SMURF2: variants seen among roughly 807,000 people sequenced by gnomAD.
SMURF2 encodes the protein SMAD specific E3 ubiquitin protein ligase 2.
Under a neutral mutation model 109.6 loss-of-function variants are expected in SMURF2, and 48 were observed. The observed-to-expected ratio is 0.44, with a 90% CI of 0.35 to 0.56. The LOEUF (loss-of-function observed/expected upper bound fraction) is 0.56, where lower values mean the gene tolerates loss of function less well. Among genes scored for constraint, SMURF2 ranks in the 20% least tolerant of loss-of-function variants. SMURF2 has a pLI of 0.01. For synonymous variants in SMURF2, 288 were observed against 317.1 expected (o/e 0.91, Z 0.97); for missense variants, 575 against 909.0 (o/e 0.63, Z 4.72).
rs183500438 is a variant in SMURF2, at chr17:64,653,132, G to A, written c.52+8697C>T. On this transcript the variant is annotated intron_variant, in intron 1 of 18. Transcript: ENST00000262435. ...GGGCGGTGGGGGAGCTACAGTCCGG[G>A]AGAAAATATTTGCAAAGTATATATC... Among the ~76,000 whole-genome samples the A allele has an allele frequency of 2.4e-4, 37 of 152,048 alleles. 1 individual carries two copies. The highest frequency in any genetic ancestry group is 8.9e-4 in the African/African-American group (37 of 41,464).
At chr17:64,546,606 T>G (rs77380826) in intron 17 of SMURF2, among the ~76,000 whole-genome samples, 5,290 of 152,256 alleles carry the variant, frequency 0.035, 321 homozygotes, top group African/African-American at 0.12. Flanking sequence ...TTTCTATCTT[T>G]TATAGAAAGT....
chr17:64,617,065 TAAAAAAAAAAAAAAAAAA>T (rs35408397), intron 1 of SMURF2, among the ~76,000 whole-genome samples: 4 of 48,508 alleles, frequency 8.2e-5, no homozygotes, highest in Non-Finnish European at 3.7e-5. Context: ...AGACCTTGTC[TAAAAAAAAAAAAAAAAAA>T]AAAAAAAAAA....
At chr17:64,630,703 C>T (rs1555691512) in intron 1 of SMURF2, among the ~76,000 whole-genome samples, 1 of 152,090 alleles carries the variant, frequency 6.6e-6, no homozygotes, top group Non-Finnish European at 1.5e-5. Flanking sequence ...AAGAATTTTG[C>T]CTCTCAGAAT....
intron 1 of SMURF2, among the ~76,000 whole-genome samples, chr17:64,613,366 G>A (rs6504243): frequency 0.25 from 37,849 of 151,996 alleles, 9,424 homozygotes; most frequent in African/African-American, 0.64. Context: ...TTTATATTAG[G>A]AGAAAATTAA....
chr17:64,639,312 C>A (rs1970462965), intron 1 of SMURF2, among the ~76,000 whole-genome samples: 1 of 152,128 alleles, frequency 6.6e-6, no homozygotes, highest in African/African-American at 2.4e-5. Flanking sequence ...CGTGGTGAGT[C>A]ACACCTGTAA....
intron 2 of SMURF2, among the ~76,000 whole-genome samples, chr17:64,604,329 A>G (rs1406276909): frequency 6.6e-6 from 1 of 152,072 alleles, no homozygotes; most frequent in African/African-American, 2.4e-5. Context: ...GCAAGTTCAC[A>G]CTCTTAGAAT....
At chr17:64,566,587 T>TTTTTTTTTTTTTTTTTC (rs1969314614) in intron 10 of SMURF2, among the ~76,000 whole-genome samples, 1 of 119,996 alleles carries the variant, frequency 8.3e-6, no homozygotes, top group African/African-American at 2.9e-5. Context: ...TTTTTTTTTT[T>TTTTTTTTTTTTTTTTTC]TTTTGAGACA....
chr17:64,619,396 T>C (rs952557751), intron 1 of SMURF2, among the ~76,000 whole-genome samples: 4 of 141,090 alleles, frequency 2.8e-5, no homozygotes, highest in African/African-American at 1.1e-4. Context: ...GAGAATCGCC[T>C]GAACCCGGGA....
chr17:64,566,041 G>A (rs1336405231), intron 10 of SMURF2, among the ~76,000 whole-genome samples: 32 of 151,656 alleles, frequency 2.1e-4, no homozygotes, highest in Non-Finnish European at 4.4e-5. Flanking sequence ...TACCAAATAA[G>A]GTAATACTAT....
intron 3 of SMURF2, among the ~76,000 whole-genome samples, chr17:64,595,937 T>TA (rs1319853387): frequency 5.3e-5 from 8 of 152,094 alleles, no homozygotes; most frequent in Non-Finnish European, 1.0e-4. Context: ...AGCAATACTC[T>TA]AAACCTACAA....
At chr17:64,571,493 AC>A (rs750751120) in intron 10 of SMURF2, among the ~76,000 whole-genome samples, 1 of 151,862 alleles carries the variant, frequency 6.6e-6, no homozygotes, top group Non-Finnish European at 1.5e-5. Flanking sequence ...GCAGCCTCAA[AC>A]TCCTGGGCTC....
intron 1 of SMURF2, among the ~76,000 whole-genome samples, chr17:64,614,121 C>T (rs1970090287): frequency 5.3e-5 from 8 of 152,240 alleles, no homozygotes; most frequent in South Asian, 4.2e-4. Context: ...ACAGATGATG[C>T]TTCACTGGCT....
intron 9 of SMURF2, among the ~76,000 whole-genome samples, chr17:64,575,582 G>A (rs1239903609): frequency 6.6e-6 from 1 of 152,006 alleles, no homozygotes; most frequent in Non-Finnish European, 1.5e-5. Flanking sequence ...ATAACACAAA[G>A]TAAGACATTT....
chr17:64,645,996 CA>C (rs1402920661), intron 1 of SMURF2, among the ~76,000 whole-genome samples: 1 of 150,130 alleles, frequency 6.7e-6, no homozygotes, highest in African/African-American at 2.4e-5. Flanking sequence ...AGTTAGATGC[CA>C]AAAAAAATTA....
intron 10 of SMURF2, among the ~76,000 whole-genome samples, chr17:64,569,935 A>T (rs1467724786): frequency 6.6e-6 from 1 of 152,184 alleles, no homozygotes; most frequent in Admixed American, 6.5e-5. Context: ...AACAGTCCAT[A>T]CTTCTCTGTT....
chr17:64,546,432 C>A, intron 17 of SMURF2, 94 bp from the exon 18 acceptor site: 2 of 1,080,870 alleles, frequency 1.9e-6, no homozygotes, highest in South Asian at 1.4e-5. Context: ...ACCACAGGAT[C>A]TGGGGATAGG....
intron 1 of SMURF2, among the ~76,000 whole-genome samples, chr17:64,659,613 AC>A (rs1219537356): frequency 6.6e-6 from 1 of 151,608 alleles, no homozygotes; most frequent in African/African-American, 2.4e-5. Context: ...CCAGCTCCAG[AC>A]CAATTCCTGG....
At chr17:64,590,164 C>T (rs530720921) in intron 5 of SMURF2, among the ~76,000 whole-genome samples, 3 of 117,632 alleles carry the variant, frequency 2.6e-5, no homozygotes, top group East Asian at 4.2e-4. Context: ...TTTTTTGAGA[C>T]AGGGTCTTGC....
intron 1 of SMURF2, among the ~76,000 whole-genome samples, chr17:64,627,940 G>T (rs1453155674): frequency 3.9e-5 from 6 of 152,090 alleles, no homozygotes; most frequent in African/African-American, 1.4e-4. Flanking sequence ...CTTCCTGCTT[G>T]GCAATAAAGT....
Sources: gnomAD v4.1 joint callset for allele counts (sites outside exome capture counted in the v4.1 genomes callset) on GRCh38, gnomAD v4.1.1 for gene constraint, MANE v1.5 for transcripts, NCBI Gene and HGNC (gene_info 2026-07-23, HGNC 2026-07-21) for gene names.